Variants in NDST4 observed in about 807,000 individuals in gnomAD.
The protein encoded by NDST4 is N-deacetylase and N-sulfotransferase 4.
Under a neutral mutation model 100.8 loss-of-function variants are expected in NDST4, and 63 were observed. The ratio of observed to expected loss-of-function variants is 0.62; its 90% CI spans 0.51 to 0.77. The LOEUF (loss-of-function observed/expected upper bound fraction) is 0.77, where lower values mean the gene tolerates loss of function less well. NDST4 is among the 30% of genes least tolerant of loss of function. NDST4 has a pLI of 0.00. For missense variants in NDST4, 943 were observed against 1,018.4 expected (o/e 0.93, Z 1.01); for synonymous variants, 377 against 361.8 (o/e 1.04, Z -0.48).
intron 4 of NDST4, among the ~76,000 whole-genome samples, chr4:114,961,923 G>T (rs1386930988): frequency 6.6e-6 from 1 of 151,948 alleles, no homozygotes; most frequent in East Asian, 1.9e-4. Context: ...TATTAATAGA[G>T]TTTAAAAAAT....
In NDST4 at chr4:114,845,895, T is replaced by C; in HGVS notation, c.2043A>G (p.Ala681=). The C allele has an allele frequency of 6.2e-7, 1 of 1,614,096 alleles. No homozygotes were observed. Among genetic ancestry groups the C allele is most frequent in the Non-Finnish European group, 8.5e-7 (1 of 1,179,974 alleles). ...TGATCTTGGCTTTGGGGACAAGAGA[T>C]GCGGCTCGTCTTGGAGCTTCTTCCG... ...FHSEEAPRRA[A]SLVPKAKIIT... is the part of the protein sequence containing the mutation. The change falls in exon 10 of 14, where the codon GCA becomes GCG. Residue 681 remains alanine, a synonymous_variant. Coordinates refer to ENST00000264363, the MANE Select transcript of NDST4 (RefSeq NM_022569.3).
intron 4 of NDST4, among the ~76,000 whole-genome samples, chr4:114,946,500 T>C (rs1175075189): frequency 6.6e-6 from 1 of 152,098 alleles, no homozygotes; most frequent in Non-Finnish European, 1.5e-5. Flanking sequence ...AGGTAGTAGT[T>C]TGAGTTAAGG....
chr4:115,021,203 A>G (rs1168033721), intron 2 of NDST4, among the ~76,000 whole-genome samples: 2 of 150,016 alleles, frequency 1.3e-5, no homozygotes, highest in African/African-American at 5.0e-5. Flanking sequence ...TGTGGTATAT[A>G]TATTCCATAT....
chr4:114,908,088 C>T (rs1335148712), intron 6 of NDST4, among the ~76,000 whole-genome samples: 1 of 152,004 alleles, frequency 6.6e-6, no homozygotes, highest in Non-Finnish European at 1.5e-5. Flanking sequence ...AAGAAATATT[C>T]AACAACAGAG....
At chr4:114,922,775 T>A (rs142694812) in intron 6 of NDST4, among the ~76,000 whole-genome samples, 1 of 152,326 alleles carries the variant, frequency 6.6e-6, no homozygotes, top group East Asian at 1.9e-4. Context: ...GGTAGACACA[T>A]GCGGTTATGG....
At chr4:114,925,583 C>T (rs114983502) in intron 6 of NDST4, among the ~76,000 whole-genome samples, 1,964 of 152,206 alleles carry the variant, frequency 0.013, 50 homozygotes, top group African/African-American at 0.046. Context: ...GTTCAGCAGA[C>T]AGCACACGGA....
At chr4:114,871,467 T>C (rs1724147357) in intron 6 of NDST4, among the ~76,000 whole-genome samples, 1 of 152,118 alleles carries the variant, frequency 6.6e-6, no homozygotes, top group Admixed American at 6.6e-5. Context: ...CACTCATTAA[T>C]CCTTTTACAA....
chr4:114,970,482 T>C lies in NDST4; in HGVS notation c.1169A>G (p.His390Arg). Residue 390 changes from histidine to arginine, a missense_variant, in exon 4 of 14, where the codon CAC becomes CGC. By Grantham distance (29) the His-to-Arg change is conservative. Transcript: ENST00000264363. ...MWSHMQPHLF[H>R]NESSLVEQMI... ...CTGCTCTACTAAAGATGACTCGTTG[T>C]GGAAGAGGTGGGGCTGCATGTGGCT... 1 of 1,614,102 alleles carries C rather than the reference T, an allele frequency of 6.2e-7. No individual in the cohort carries two copies. Among genetic ancestry groups the C allele is most frequent in the Non-Finnish European group, 8.5e-7 (1 of 1,179,946 alleles).
At chr4:115,028,618 CAA>C (rs1317365365) in intron 2 of NDST4, among the ~76,000 whole-genome samples, 5 of 149,790 alleles carry the variant, frequency 3.3e-5, no homozygotes, top group African/African-American at 1.2e-4. Flanking sequence ...TACAGTAAAA[CAA>C]GAGGACTGTT....
chr4:115,054,136 T>C (rs1187142874), intron 2 of NDST4, among the ~76,000 whole-genome samples: 1 of 151,766 alleles, frequency 6.6e-6, no homozygotes, highest in Non-Finnish European at 1.5e-5. Flanking sequence ...TTACAATATT[T>C]AAAACATAAT....
intron 10 of NDST4, among the ~76,000 whole-genome samples, chr4:114,841,516 G>A (rs1168180048): frequency 6.6e-6 from 1 of 152,114 alleles, no homozygotes; most frequent in African/African-American, 2.4e-5. Flanking sequence ...GAAAAAGCAA[G>A]CGCAGAGAGG....
chr4:115,033,117 TTATA>T (rs1314700678), intron 2 of NDST4, among the ~76,000 whole-genome samples: 67 of 134,364 alleles, frequency 5.0e-4, no homozygotes, highest in African/African-American at 1.7e-3. Flanking sequence ...AATGCAAAAA[TTATA>T]TATATATGTG....
At chr4:115,062,450 C>T (rs893619183) in intron 2 of NDST4, among the ~76,000 whole-genome samples, 2 of 151,528 alleles carry the variant, frequency 1.3e-5, no homozygotes, top group African/African-American at 2.4e-5. Flanking sequence ...AATATACACA[C>T]GAAAAAATGC....
At chr4:115,101,383 G>A (rs1258909119) in intron 1 of NDST4, among the ~76,000 whole-genome samples, 1 of 151,928 alleles carries the variant, frequency 6.6e-6, no homozygotes, top group Non-Finnish European at 1.5e-5. Context: ...TAAATTCTTT[G>A]CAGGAAGTGT....
intron 2 of NDST4, among the ~76,000 whole-genome samples, chr4:114,991,140 C>A (rs191056085): frequency 2.2e-4 from 34 of 152,176 alleles, no homozygotes; most frequent in Admixed American, 4.6e-4. Flanking sequence ...TGAGTATAGA[C>A]TGGTGTAGGC....
Position 114,877,017 on chromosome 4 carries a change from C to T in NDST4, c.1537-6067G>A, listed in dbSNP as rs565636219. The stretch of plus-strand genomic sequence containing the variant: ...CAAAGTAGTCAACAAGCGGATTGCA[C>T]GCTTAATGATTTGTTAAGAGAGTAG... On this transcript the variant is annotated intron_variant, in intron 6 of 13. Coordinates refer to ENST00000264363, the MANE Select transcript of NDST4 (RefSeq NM_022569.3). Among the ~76,000 whole-genome samples the T allele has an allele frequency of 6.6e-5, 10 of 152,170 alleles. No individual in the cohort carries two copies. In the East Asian group the frequency reaches 1.4e-3, roughly 21 times the overall value.
chr4:115,025,657 C>T (rs1727967722), intron 2 of NDST4, among the ~76,000 whole-genome samples: 1 of 152,090 alleles, frequency 6.6e-6, no homozygotes, highest in African/African-American at 2.4e-5. Flanking sequence ...GCATATCTTA[C>T]ATTTCTAGAG....
chr4:114,839,965 A>G lies in NDST4; in HGVS notation c.2116-417T>C, dbSNP rs187264703. ...AGACCAGACAAATCAACCCTAATGAAAAATTTAGATTTTGCAAGAATAATC... is the reference window on the plus strand; with the variant it reads ...AGACCAGACAAATCAACCCTAATGAGAAATTTAGATTTTGCAAGAATAATC... On this transcript the variant is annotated intron_variant, in intron 10 of 13. Coordinates refer to ENST00000264363, the MANE Select transcript of NDST4 (RefSeq NM_022569.3). 3.0e-4 allele frequency among the ~76,000 whole-genome samples: 46 copies of G among 152,278 alleles called. 2 individuals are homozygous for G. In the East Asian group the frequency reaches 8.7e-3, roughly 29 times the overall value.
At chr4:114,988,082 A>G (rs978026206) in intron 2 of NDST4, among the ~76,000 whole-genome samples, 3 of 152,172 alleles carry the variant, frequency 2.0e-5, no homozygotes, top group Non-Finnish European at 2.9e-5. Context: ...AGGAGCTTCA[A>G]ATAAAGATAA....
Sources: allele counts gnomAD v4.1 joint callset (sites outside exome capture counted in the v4.1 genomes callset), GRCh38; gene constraint gnomAD v4.1.1; transcripts MANE v1.5; gene names NCBI Gene and HGNC (gene_info 2026-07-23, HGNC 2026-07-21).